CLEC12A: variants seen among roughly 807,000 people sequenced by gnomAD.
CLEC12A encodes the protein C-type lectin domain family 12 member A, also known as C-type lectin protein CLL-1.
CLEC12A carries 22 observed loss-of-function variants against 26.5 expected under a neutral mutation model. The ratio of observed to expected loss-of-function variants is 0.83; its 90% CI spans 0.59 to 1.19. The LOEUF is 1.19. Among genes scored for constraint, CLEC12A ranks in the 50% most tolerant of loss-of-function variants. CLEC12A has a pLI of 0.00. For missense variants in CLEC12A, 353 were observed against 315.6 expected (o/e 1.12, Z -0.90); for synonymous variants, 119 against 101.9 (o/e 1.17, Z -1.01).
intron 1 of CLEC12A, among the ~76,000 whole-genome samples, chr12:9,978,458 T>A (rs1456932718): frequency 6.7e-6 from 1 of 149,490 alleles, no homozygotes; most frequent in African/African-American, 2.5e-5. Flanking sequence ...AAAGACATTA[T>A]GAAAAGACAG....
chr12:9,979,085 T>G (rs607567), intron 2 of CLEC12A, 21 bp downstream of exon 2: 1,045,708 of 1,580,352 alleles, frequency 0.66, 349,862 homozygotes, highest in East Asian at 0.9. Context: ...CCCCTGTTTT[T>G]GTCAAGAGGA....
rs1394480986 is a variant in CLEC12A, at chr12:9,963,495, G to A, written c.11-8082G>A. Among the ~76,000 whole-genome samples the A allele has an allele frequency of 3.3e-5, 5 of 149,456 alleles. No homozygotes were observed. In the South Asian group the frequency reaches 9.0e-4, roughly 27 times the overall value. On this transcript the variant is annotated intron_variant, in intron 1 of 6. Transcript: ENST00000355690. ...AGAGAGGCTATGGAAGGTCGTGACA[G>A]AGGTTGAAATGCCTCCTATTCCAGT...
exon 5 of CLEC12A, chr12:9,995,380 T>C: frequency 1.3e-6 from 1 of 776,430 alleles, no homozygotes; most frequent in Non-Finnish European, 2.3e-6. Flanking sequence ...TGGATTACAT[T>C]TGATGTTTGA....
chr12:9,965,084 C>A (rs12229020), intron 1 of CLEC12A, among the ~76,000 whole-genome samples: 1 of 151,966 alleles, frequency 6.6e-6, no homozygotes. Context: ...ATTATGAGAA[C>A]CGTAGAGAAT....
intron 1 of CLEC12A, among the ~76,000 whole-genome samples, chr12:9,965,926 GA>G (rs1565550427): frequency 6.6e-6 from 1 of 152,030 alleles, no homozygotes. Flanking sequence ...TTAAGGTGGG[GA>G]GATACAAGGG....
intron 1 of CLEC12A, among the ~76,000 whole-genome samples, chr12:9,958,227 G>A (rs544559914): frequency 1.3e-5 from 2 of 152,222 alleles, no homozygotes; most frequent in Non-Finnish European, 2.9e-5. Context: ...AATGTCTTTG[G>A]TTTTAAATGC....
chr12:9,967,245 G>T (rs1176505921), upstream of CLEC12A, among the ~76,000 whole-genome samples: 1 of 150,512 alleles, frequency 6.6e-6, no homozygotes, highest in Non-Finnish European at 1.5e-5. Context: ...AAAGAAGGAA[G>T]ATTTGGGATG....
Position 9,962,815 on chromosome 12 carries a change from T to C in CLEC12A, c.11-8762T>C, listed in dbSNP as rs999451273. On this transcript the variant is annotated intron_variant, in intron 1 of 6. Coordinates refer to the CLEC12A transcript ENST00000355690. The stretch of plus-strand genomic sequence containing the variant: ...TATGTGCAGGTCACAGGGGATAGGA[T>C]GGTTTAGCTTGGGCTCAGAGGCCTG... 2.0e-4 allele frequency among the ~76,000 whole-genome samples: 30 copies of C among 152,164 alleles called. 2 individuals carry two copies. Among genetic ancestry groups the C allele is most frequent in the Non-Finnish European group, 1.0e-4 (7 of 68,036 alleles).
chr12:9,963,676 A>T (rs1039202231), intron 1 of CLEC12A, among the ~76,000 whole-genome samples: 13 of 152,224 alleles, frequency 8.5e-5, no homozygotes, highest in African/African-American at 3.1e-4. Context: ...ACTAGTGTGC[A>T]TGTACCTGTC....
upstream of CLEC12A, among the ~76,000 whole-genome samples, chr12:9,967,016 G>T (rs1265606500): frequency 1.3e-5 from 2 of 151,672 alleles, no homozygotes; most frequent in Non-Finnish European, 2.9e-5. Context: ...TGCTGAACAG[G>T]TTGGGGAGGG....
At chr12:9,970,995 A>T (rs1313316630), upstream of CLEC12A, among the ~76,000 whole-genome samples, 1 of 152,188 alleles carries the variant, frequency 6.6e-6, no homozygotes, top group African/African-American at 2.4e-5. Flanking sequence ...ATAGCTATGT[A>T]ACATGGCAAC....
Position 9,985,114 on chromosome 12 carries a change from T to G in CLEC12A, c.*88T>G. ...AAATATTTTCTGGTTGACAATTAGT[T>G]GAGTTTGTCTGAAGACCTGGGATTT... On this transcript the variant is annotated 3_prime_UTR_variant, in exon 6 of 6. Coordinates refer to ENST00000304361, the MANE Select transcript of CLEC12A (RefSeq NM_138337.6). The G allele has an allele frequency of 7.7e-7, 1 of 1,291,248 alleles. No homozygotes were observed. The highest frequency in any genetic ancestry group is 9.9e-7 in the Non-Finnish European group (1 of 1,011,528). 80.0% of individuals were successfully genotyped at this position (1,291,248 alleles called of 1,614,324 possible).
In CLEC12A at chr12:9,982,126, C is replaced by T. The variant is rs781385654; in HGVS notation, c.638C>T (p.Ala213Val). ...MRVDNIINSSAWVIRNAPDLN... is the reference protein window; with the variant it reads ...MRVDNIINSSVWVIRNAPDLN... ...GTGGATAATATAATCAACTCCTCTG[C>T]CTGGTAAGTGTCTATTCTTGTTAGA... The change falls in exon 5 of 6, where the codon GCC becomes GTC. Residue 213 changes from alanine to valine, a missense_variant. Physicochemically the swap from Ala to Val is moderately conservative, Grantham distance 64. Transcript: ENST00000304361. 4.7e-6 allele frequency: 7 copies of T among 1,501,224 alleles called. No individual in the cohort carries two copies. In the East Asian group the frequency reaches 1.6e-4, roughly 34 times the overall value. 93.0% of individuals were successfully genotyped at this position (1,501,224 alleles called of 1,614,324 possible). A position where few individuals can be genotyped will look rare whatever the true frequency, so the allele number is the denominator to read the frequency against.
At chr12:9,959,857 A>G (rs1863802422) in intron 1 of CLEC12A, among the ~76,000 whole-genome samples, 1 of 152,098 alleles carries the variant, frequency 6.6e-6, no homozygotes, top group Non-Finnish European at 1.5e-5. Context: ...TTACTTGGAG[A>G]CTGTTTTCCT....
At chr12:10,001,925 G>A in the CLEC12A span, among the ~76,000 whole-genome samples, 7 of 147,886 alleles carry the variant, frequency 4.7e-5, no homozygotes, top group African/African-American at 1.7e-4. Flanking sequence ...TGTCGTCCAG[G>A]CTGGAGTGCA....
chr12:9,954,583 G>C (rs1298806692), intron 1 of CLEC12A, among the ~76,000 whole-genome samples: 1 of 152,148 alleles, frequency 6.6e-6, no homozygotes, highest in East Asian at 1.9e-4. Context: ...AACAAATAAA[G>C]TTCAACCATG....
chr12:9,982,234 A>G (rs2137196123), intron 5 of CLEC12A, 105 bp downstream of exon 5: 1 of 649,432 alleles, frequency 1.5e-6, no homozygotes. Flanking sequence ...TTGAAATTGC[A>G]TGCTAAAAGA....
chr12:9,983,636 G>C, intron 5 of CLEC12A: 1 of 627,286 alleles, frequency 1.6e-6, no homozygotes, highest in East Asian at 2.8e-5. Context: ...AGACAGCTCT[G>C]AGTCAACTGT....
intron 4 of CLEC12A, 117 bp downstream of exon 4, chr12:9,980,850 A>C (rs1591833919): frequency 8.6e-6 from 9 of 1,045,336 alleles, no homozygotes; most frequent in Non-Finnish European, 1.2e-5. Flanking sequence ...GAAGTGACTG[A>C]AACTTTGTAC....
Sources: gnomAD v4.1 joint callset for allele counts (sites outside exome capture counted in the v4.1 genomes callset) on GRCh38, gnomAD v4.1.1 for gene constraint, MANE v1.5 for transcripts, NCBI Gene and HGNC (gene_info 2026-07-23, HGNC 2026-07-21) for gene names.